CNNM4: variants seen among roughly 807,000 people sequenced by gnomAD.
CNNM4 encodes the protein cyclin and CBS domain divalent metal cation transport mediator 4, also known as metal transporter CNNM4.
Under a neutral mutation model 53.7 loss-of-function variants are expected in CNNM4, and 32 were observed. The ratio of observed to expected loss-of-function variants is 0.60; its 90% CI spans 0.45 to 0.80. CNNM4 has a LOEUF of 0.80. Ranked by LOEUF, CNNM4 falls within the 30% of genes least tolerant of loss-of-function variation. CNNM4 has a pLI of 0.00. For synonymous variants in CNNM4, 410 were observed against 440.0 expected, an observed-to-expected ratio of 0.93 and a Z score of 0.85; for missense variants, 784 against 1,022.0, an observed-to-expected ratio of 0.77 and a Z score of 3.17.
At chr2:96,796,870 G>A (rs1016151382) in intron 1 of CNNM4, 142 bp from the exon 2 acceptor site, 13 of 821,778 alleles carry the variant, frequency 1.6e-5, no homozygotes, top group African/African-American at 8.6e-5. Context: ...CAGTAGAAAC[G>A]TCAGGAAAGA....
At position 96,761,484 on chromosome 2, in the gene CNNM4, A is replaced by C. The variant is rs759874330; in HGVS notation, c.485A>C (p.Lys162Thr). 1 of 1,614,110 alleles carries C rather than the reference A, an allele frequency of 6.2e-7. No individual in the cohort carries two copies. ...GCCCAGCCCGACGGGCCCTGGCTGA[A>C]GTGGACGGACAAGGACTCACTGCTC... Reference protein sequence around the residue: ...TRAQPDGPWLKWTDKDSLLFM... With the variant: ...TRAQPDGPWLTWTDKDSLLFM... The change falls in exon 1 of 7, where the codon AAG becomes ACG. Residue 162 changes from lysine (K) to threonine (T), a missense_variant. By Grantham distance (78) the Lys-to-Thr change is moderately conservative. Coordinates refer to ENST00000377075, the MANE Select transcript of CNNM4 (RefSeq NM_020184.4). The surrounding 1 kb of genome is among the most constrained non-coding windows in gnomAD (Gnocchi z 6.0).
chr2:96,781,128 G>A (rs1296836327), intron 1 of CNNM4, among the ~76,000 whole-genome samples: 5 of 151,680 alleles, frequency 3.3e-5, no homozygotes, highest in African/African-American at 9.7e-5. Flanking sequence ...ACAGGCACCC[G>A]CCACAATGCC....
chr2:96,787,750 C>A (rs1186182024), intron 1 of CNNM4, among the ~76,000 whole-genome samples: 1 of 151,942 alleles, frequency 6.6e-6, no homozygotes, highest in Non-Finnish European at 1.5e-5. Flanking sequence ...GTCCCAGCTA[C>A]TTGGGAGGCT....
At chr2:96,773,288 T>C (rs1296695816) in intron 1 of CNNM4, among the ~76,000 whole-genome samples, 1 of 152,202 alleles carries the variant, frequency 6.6e-6, no homozygotes, top group Non-Finnish European at 1.5e-5. Flanking sequence ...TCAGACCTCA[T>C]GGTGAGGACT....
intron 1 of CNNM4, among the ~76,000 whole-genome samples, chr2:96,772,512 C>T (rs1283659348): frequency 1.5e-5 from 2 of 136,924 alleles, no homozygotes; most frequent in Admixed American, 1.5e-4. Flanking sequence ...TCATACCCCC[C>T]ACAAAGGCAC....
At chr2:96,794,889 G>A (rs2079089548) in intron 1 of CNNM4, among the ~76,000 whole-genome samples, 1 of 152,126 alleles carries the variant, frequency 6.6e-6, no homozygotes. Context: ...CATCTGGAAG[G>A]GGGTACAGGT....
chr2:96,778,505 C>T (rs908015208), intron 1 of CNNM4, among the ~76,000 whole-genome samples: 8 of 149,398 alleles, frequency 5.4e-5, no homozygotes, highest in Admixed American at 1.3e-4. Flanking sequence ...TGCAGTGAGT[C>T]GAGATGGCAC....
rs758486815 is a variant in CNNM4 at position 96,797,798 on chromosome 2, C to T, written c.1681+151C>T. 5.1e-5 allele frequency: 53 copies of T among 1,039,486 alleles called. No individual in the cohort carries two copies. Among genetic ancestry groups the T allele is most frequent in the Non-Finnish European group, 6.6e-5 (46 of 696,342 alleles). The allele number at this position is 1,039,486 out of a possible 1,614,324, so 64.4% of individuals were successfully genotyped here. On this transcript the variant is annotated intron_variant, in intron 3 of 6. Transcript: ENST00000377075. This position sits in a 1 kb window ranked among gnomAD's most constrained non-coding sequence, Gnocchi z 6.0. ...GCCACCCCTGGAAGGGGCCGGGTAT[C>T]TGCTCCACCCCTGGGGATCTCCCTG...
At chr2:96,796,074 G>T (rs1427694583) in intron 1 of CNNM4, among the ~76,000 whole-genome samples, 1 of 146,880 alleles carries the variant, frequency 6.8e-6, no homozygotes, top group Non-Finnish European at 1.5e-5. Context: ...TGTCAGTTTG[G>T]GTCTTTCCCC....
chr2:96,805,430 T>C (rs1041363945), intron 5 of CNNM4, among the ~76,000 whole-genome samples: 1 of 140,658 alleles, frequency 7.1e-6, no homozygotes, highest in East Asian at 1.9e-4. Flanking sequence ...TTTTTTTTTT[T>C]TTTTTTTTTA....
intron 1 of CNNM4, among the ~76,000 whole-genome samples, chr2:96,790,906 G>A (rs909630033): frequency 1.3e-5 from 2 of 151,310 alleles, no homozygotes; most frequent in African/African-American, 4.9e-5. Flanking sequence ...GATCACCTGA[G>A]GTCAGAAGTT....
At chr2:96,792,819 A>T (rs2079073568) in intron 1 of CNNM4, among the ~76,000 whole-genome samples, 1 of 150,724 alleles carries the variant, frequency 6.6e-6, no homozygotes, top group Admixed American at 6.6e-5. Context: ...AAAAGAGAGG[A>T]GGTCAGGCTC....
chr2:96,784,878 G>A (rs745311024), intron 1 of CNNM4, among the ~76,000 whole-genome samples: 1 of 152,082 alleles, frequency 6.6e-6, no homozygotes, highest in Non-Finnish European at 1.5e-5. Context: ...TATCTTTATG[G>A]GGCTATTTTT....
At chr2:96,769,563 C>CAAA (rs1198986708) in intron 1 of CNNM4, among the ~76,000 whole-genome samples, 2 of 63,700 alleles carry the variant, frequency 3.1e-5, no homozygotes, top group African/African-American at 1.0e-4. Flanking sequence ...GACTCTGTCT[C>CAAA]AAAAAAAAAA....
At chr2:96,803,185 CCCT>C (rs2079173734) in intron 5 of CNNM4, among the ~76,000 whole-genome samples, 1 of 152,136 alleles carries the variant, frequency 6.6e-6, no homozygotes, top group Non-Finnish European at 1.5e-5. Context: ...AGCCTCCCTC[CCCT>C]CCTCTGGGCT....
chr2:96,778,296 G>T (rs920547543), intron 1 of CNNM4, among the ~76,000 whole-genome samples: 1 of 151,258 alleles, frequency 6.6e-6, no homozygotes, highest in African/African-American at 2.4e-5. Context: ...AGTGGCTCAC[G>T]CCTGTAATCC....
At position 96,761,474 on chromosome 2, in the gene CNNM4, C is replaced by T. The variant is rs777028877; in HGVS notation, c.475C>T (p.Pro159Ser). ...ALCTRAQPDG[P>S]WLKWTDKDSL... The stretch of plus-strand genomic sequence containing the variant: ...GTGCACCCGGGCCCAGCCCGACGGG[C>T]CCTGGCTGAAGTGGACGGACAAGGA... The change falls in exon 1 of 7, where the codon CCC becomes TCC. Residue 159 changes from proline to serine, a missense_variant. Transcript: ENST00000377075. This position sits in a 1 kb window ranked among gnomAD's most constrained non-coding sequence, Gnocchi z 6.0. 2.4e-5 allele frequency: 38 copies of T among 1,614,144 alleles called. No homozygotes were observed. Among genetic ancestry groups the T allele is most frequent in the Non-Finnish European group, 3.1e-5 (36 of 1,180,016 alleles).
At chr2:96,777,540 G>C (rs192805525) in intron 1 of CNNM4, among the ~76,000 whole-genome samples, 7 of 152,170 alleles carry the variant, frequency 4.6e-5, no homozygotes, top group African/African-American at 1.7e-4. Context: ...TTGCTTTATT[G>C]CTCAGTCTGG....
At chr2:96,775,688 C>T (rs2078917876) in intron 1 of CNNM4, among the ~76,000 whole-genome samples, 2 of 152,116 alleles carry the variant, frequency 1.3e-5, no homozygotes, top group African/African-American at 4.8e-5. Context: ...TAATGTTTGC[C>T]ATTAAGGTGT....
Sources: allele counts gnomAD v4.1 joint callset (sites outside exome capture counted in the v4.1 genomes callset), GRCh38; gene constraint gnomAD v4.1.1; non-coding constraint Gnocchi (gnomAD v3.1); transcripts MANE v1.5; gene names NCBI Gene and HGNC (gene_info 2026-07-23, HGNC 2026-07-21).